The following HMOX2 variants were observed in gnomAD, a reference collection of about 807,000 sequenced individuals.
HMOX2 encodes heme oxygenase (decycling) 2.
Under a neutral mutation model 33.7 loss-of-function variants are expected in HMOX2, and 30 were observed. The observed-to-expected ratio is 0.89, with a 90% CI of 0.67 to 1.21. HMOX2 has a LOEUF of 1.21. HMOX2 is among the 50% of genes most tolerant of loss of function. HMOX2 has a pLI of 0.00. For synonymous variants in HMOX2, 155 were observed against 155.0 expected (o/e 1.00, Z 0.00); for missense variants, 403 against 399.1 (o/e 1.01, Z -0.08).
chr16:4,482,632 C>A (rs959295312), intron 1 of HMOX2, among the ~76,000 whole-genome samples: 11 of 152,318 alleles, frequency 7.2e-5, no homozygotes, highest in Middle Eastern at 3.4e-3. Context: ...ATCGAAAGTT[C>A]TGACAATCCC....
rs1316560678 is a variant in HMOX2, at chr16:4,508,163, A to C, written c.655A>C (p.Ile219Leu). ...CCTGAACATGAAGACCAAAGAGAGG[A>C]TCGTGGAGGAGGCCAACAAGGCTTT... ...LDLNMKTKERIVEEANKAFEY... is the reference protein window; with the variant it reads ...LDLNMKTKERLVEEANKAFEY... The change falls in exon 4 of 6, where the codon ATC (isoleucine) becomes CTC (leucine). Residue 219 changes from isoleucine (I) to leucine (L), a missense_variant. By Grantham distance (5) the Ile-to-Leu change is conservative. Transcript: ENST00000570646. 1 of 1,613,286 alleles carries C rather than the reference A, an allele frequency of 6.2e-7. No individual in the cohort carries two copies. Among genetic ancestry groups the C allele is most frequent in the Non-Finnish European group, 8.5e-7 (1 of 1,179,624 alleles).
chr16:4,498,666 C>T (rs971872265), intron 1 of HMOX2, among the ~76,000 whole-genome samples: 6 of 152,190 alleles, frequency 3.9e-5, no homozygotes, highest in African/African-American at 1.4e-4. Flanking sequence ...TGAGCCACTG[C>T]ACCCAGCCTG....
At chr16:4,505,273 A>G (rs568804759) in intron 1 of HMOX2, among the ~76,000 whole-genome samples, 1 of 152,254 alleles carries the variant, frequency 6.6e-6, no homozygotes, top group Non-Finnish European at 1.5e-5. Context: ...ATGTCAATAC[A>G]ATGCTATTAC....
Position 4,508,193 on chromosome 16 carries a change from T to C in HMOX2, c.685T>C (p.Tyr229His). 1.2e-6 allele frequency: 2 copies of C among 1,607,862 alleles called. No homozygotes were observed. Among genetic ancestry groups the C allele is most frequent in the Non-Finnish European group, 1.7e-6 (2 of 1,176,844 alleles). ...IVEEANKAFE[Y>H]NMQIFNELDQ... ...GGAGGAGGCCAACAAGGCTTTTGAG[T>C]ATAACATGCAGGTACTATTGGGGGC... The change falls in exon 4 of 6, where the codon TAT (tyrosine) becomes CAT (histidine). Residue 229 changes from tyrosine (Y) to histidine (H), a missense_variant. Coordinates refer to ENST00000570646, the MANE Select transcript of HMOX2 (RefSeq NM_002134.4).
At chr16:4,495,124 C>G (rs996755569) in intron 1 of HMOX2, among the ~76,000 whole-genome samples, 10 of 152,232 alleles carry the variant, frequency 6.6e-5, no homozygotes, top group African/African-American at 2.2e-4. Flanking sequence ...CTCTGCCCGA[C>G]TAGTCCTATG....
chr16:4,507,014 T>C lies in HMOX2; in HGVS notation c.204+2T>C, dbSNP rs757840609. 40 of 1,589,552 alleles carry C rather than the reference T, an allele frequency of 2.5e-5. No homozygotes were observed. Among genetic ancestry groups the C allele is most frequent in the Admixed American group, 5.0e-5 (3 of 59,928 alleles). On this transcript the variant is annotated splice_donor_variant, in intron 3 of 5. Coordinates refer to ENST00000570646, the MANE Select transcript of HMOX2 (RefSeq NM_002134.4). LOFTEE classifies it high-confidence loss of function. ...AACATTAAGAAGGAGCTGTTTAAGG[T>C]TTGTGCCCCGCATTGGGTTCCAGAC...
intron 1 of HMOX2, among the ~76,000 whole-genome samples, chr16:4,502,225 C>T (rs1049267549): frequency 2.0e-5 from 3 of 152,058 alleles, no homozygotes; most frequent in South Asian, 2.1e-4. Context: ...GTGCCTGGCT[C>T]CTTTTTGTAT....
chr16:4,491,671 C>T (rs2141558945), intron 1 of HMOX2, among the ~76,000 whole-genome samples: 1 of 151,800 alleles, frequency 6.6e-6, no homozygotes, highest in South Asian at 2.1e-4. Context: ...ATATATTTTG[C>T]TAGAAATCCC....
chr16:4,486,735 A>C (rs1004498719), intron 1 of HMOX2, among the ~76,000 whole-genome samples: 10 of 152,178 alleles, frequency 6.6e-5, no homozygotes, highest in African/African-American at 2.4e-4. Flanking sequence ...GCCCAGAGCC[A>C]CTGGTCACTT....
Position 4,505,515 on chromosome 16 carries a change from C to T in HMOX2, c.-10C>T, listed in dbSNP as rs575131928. ...AGGAGCGAGAGCAGCAAGAACCACA[C>T]CCAGCAGCAATGTCAGCGGAAGTGG... On this transcript the variant is annotated 5_prime_UTR_variant, in exon 2 of 6. Coordinates refer to ENST00000570646, the MANE Select transcript of HMOX2 (RefSeq NM_002134.4). 12 of 1,601,188 alleles carry T rather than the reference C, an allele frequency of 7.5e-6. No homozygotes were observed. In the South Asian group the frequency reaches 1.2e-4, roughly 16 times the overall value.
intron 1 of HMOX2, among the ~76,000 whole-genome samples, chr16:4,481,362 A>AAT (rs1226629466): frequency 4.1e-4 from 62 of 151,938 alleles, no homozygotes; most frequent in African/African-American, 1.5e-3. Flanking sequence ...AAAAAAAAAA[A>AAT]AAAGAAAAAA....
At chr16:4,478,221 C>G (rs566456321) in intron 1 of HMOX2, among the ~76,000 whole-genome samples, 3 of 152,132 alleles carry the variant, frequency 2.0e-5, no homozygotes, top group Non-Finnish European at 4.4e-5. Flanking sequence ...AAAGGGGGAA[C>G]GTGAGCAACT....
At chr16:4,482,107 A>C (rs1427821094) in intron 1 of HMOX2, among the ~76,000 whole-genome samples, 1 of 152,218 alleles carries the variant, frequency 6.6e-6, no homozygotes, top group Non-Finnish European at 1.5e-5. Context: ...CCCAGTAATT[A>C]GAAAATAACT....
At chr16:4,480,523 T>C (rs887523414) in intron 1 of HMOX2, among the ~76,000 whole-genome samples, 1 of 151,922 alleles carries the variant, frequency 6.6e-6, no homozygotes, top group Non-Finnish European at 1.5e-5. Flanking sequence ...TTTTGTATTT[T>C]TAGTAGAGAC....
chr16:4,509,794 T>C lies in HMOX2; in HGVS notation c.*38T>C. The C allele has an allele frequency of 6.3e-7, 1 of 1,592,216 alleles. No homozygotes were observed. Among genetic ancestry groups the C allele is most frequent in the South Asian group, 1.1e-5 (1 of 89,608 alleles). On this transcript the variant is annotated 3_prime_UTR_variant, in exon 6 of 6. Transcript: ENST00000570646. ...GCCACACCGGTACCCTCCTCCCGAC[T>C]GACCACTGGCCTACCCCTTTCTCCA... is the stretch of plus-strand genomic sequence containing the variant.
In HMOX2 at chr16:4,491,496, C is replaced by G. The variant is rs150823491; in HGVS notation, c.-41-13988C>G. Reference sequence around the variant, plus strand: ...GAAACCCCATCTCTACAAAAAATACCAAAAAATTAGCTGGGCATGGTGTTG... The same window carrying G: ...GAAACCCCATCTCTACAAAAAATACGAAAAAATTAGCTGGGCATGGTGTTG... On this transcript the variant is annotated intron_variant, in intron 1 of 5. Coordinates refer to ENST00000570646, the MANE Select transcript of HMOX2 (RefSeq NM_002134.4). Among the ~76,000 whole-genome samples the G allele has an allele frequency of 6.5e-3, 979 of 151,638 alleles. 6 individuals are homozygous for G. The highest frequency in any genetic ancestry group is 0.01 in the Middle Eastern group (3 of 294).
At chr16:4,494,008 G>A (rs918364021) in intron 1 of HMOX2, among the ~76,000 whole-genome samples, 3 of 152,114 alleles carry the variant, frequency 2.0e-5, no homozygotes, top group Non-Finnish European at 2.9e-5. Flanking sequence ...TTACATACTG[G>A]TGAGGAAACT....
rs768188799 is a variant in HMOX2, at chr16:4,508,087, C to T, written c.579C>T (p.Asp193=). Reference sequence around the variant, plus strand: ...AGTTCTACCTGTTTGAGAATGTGGACAATGCCCAGCAGTTCAAGCAGCTCT... The same window carrying T: ...AGTTCTACCTGTTTGAGAATGTGGATAATGCCCAGCAGTTCAAGCAGCTCT... The part of the protein sequence containing the change: ...GTQFYLFENV[D]NAQQFKQLYR... Residue 193 remains aspartate (D), a synonymous_variant, in exon 4 of 6, where the codon GAC becomes GAT. Coordinates refer to ENST00000570646, the MANE Select transcript of HMOX2 (RefSeq NM_002134.4). 34 of 1,614,054 alleles carry T rather than the reference C, an allele frequency of 2.1e-5. No homozygotes were observed. Among genetic ancestry groups the T allele is most frequent in the Non-Finnish European group, 2.2e-5 (26 of 1,180,036 alleles).
At chr16:4,508,856 C>A (rs1278065672) in intron 4 of HMOX2, among the ~76,000 whole-genome samples, 2 of 152,242 alleles carry the variant, frequency 1.3e-5, no homozygotes, top group African/African-American at 4.8e-5. Context: ...GAGAAGGCTA[C>A]ATCTCTGGTC....
Sources: gnomAD v4.1 joint callset for allele counts (sites outside exome capture counted in the v4.1 genomes callset) on GRCh38, gnomAD v4.1.1 for gene constraint, MANE v1.5 for transcripts, NCBI Gene and HGNC (gene_info 2026-07-23, HGNC 2026-07-21) for gene names.